YAE1: variants seen among roughly 807,000 people sequenced by gnomAD.
YAE1 encodes the protein protein YAE1 homolog.
In YAE1, 22 loss-of-function variants were observed where a neutral mutation model predicts 23.0. That is an observed-to-expected ratio of 0.96 (90% CI 0.68 to 1.37). The LOEUF is 1.37. Among genes scored for constraint, YAE1 ranks in the 40% most tolerant of loss-of-function variants. YAE1 has a pLI of 0.00. For missense variants in YAE1, 260 were observed against 262.1 expected (o/e 0.99, Z 0.06); for synonymous variants, 101 against 97.0 (o/e 1.04, Z -0.24).
chr7:39,608,821 T>C (rs1467372953), intron 2 of YAE1, among the ~76,000 whole-genome samples: 1 of 152,196 alleles, frequency 6.6e-6, no homozygotes, highest in East Asian at 1.9e-4. Flanking sequence ...CAAATACTTT[T>C]AATTACTCTT....
chr7:39,585,127 G>A (rs1483633968), intron 2 of YAE1, among the ~76,000 whole-genome samples: 1 of 152,168 alleles, frequency 6.6e-6, no homozygotes, highest in East Asian at 1.9e-4. Flanking sequence ...ATCTCAGGCT[G>A]TGCTTCAGTT....
chr7:39,593,838 C>G (rs992242549), intron 2 of YAE1, among the ~76,000 whole-genome samples: 10 of 152,148 alleles, frequency 6.6e-5, no homozygotes, highest in Non-Finnish European at 1.5e-4. Flanking sequence ...CTTTTACATC[C>G]TTAGGTATAG....
At chr7:39,605,004 C>T (rs1346451291) in intron 2 of YAE1, among the ~76,000 whole-genome samples, 1 of 152,214 alleles carries the variant, frequency 6.6e-6, no homozygotes, top group African/African-American at 2.4e-5. Flanking sequence ...GAACAAATGT[C>T]TGGAAATTAC....
At chr7:39,589,002 T>C (rs1583677821) in intron 2 of YAE1, among the ~76,000 whole-genome samples, 1 of 152,152 alleles carries the variant, frequency 6.6e-6, no homozygotes, top group Non-Finnish European at 1.5e-5. Context: ...TTTGTATTTT[T>C]AGTAGAGACA....
At chr7:39,609,848 C>A in exon 3 of YAE1, 1 of 1,533,138 alleles carries the variant, frequency 6.5e-7, no homozygotes, top group Non-Finnish European at 8.7e-7. Context: ...GGACGCCGAG[C>A]CACCGCCGGC....
At chr7:39,576,447 C>T (rs969320985), downstream of YAE1, among the ~76,000 whole-genome samples, 3 of 152,168 alleles carry the variant, frequency 2.0e-5, no homozygotes, top group African/African-American at 4.8e-5. Context: ...TCTTCTTTTC[C>T]CACCTGCCTC....
At position 39,591,671 on chromosome 7, in the gene YAE1, A is replaced by G. The variant is rs190287977; in HGVS notation, c.252-17946A>G. Among the ~76,000 whole-genome samples, 451 of 151,266 alleles carry G rather than the reference A, an allele frequency of 3.0e-3. 6 individuals are homozygous for G. Among genetic ancestry groups the G allele is most frequent in the African/African-American group, 0.011 (431 of 40,630 alleles). On this transcript the variant is annotated intron_variant, in intron 2 of 2. Coordinates refer to the YAE1 transcript ENST00000432096. ...CATATGTTACAATTACCAAACTTAC[A>G]TTGATACGTTATTATCTCCGACAGT...
intron 2 of YAE1, among the ~76,000 whole-genome samples, chr7:39,587,087 C>T (rs1790830707): frequency 6.7e-6 from 1 of 149,818 alleles, no homozygotes; most frequent in Admixed American, 6.7e-5. Flanking sequence ...GATGGAATTC[C>T]ACTCTGTGGC....
chr7:39,578,590 G>A (rs953840850), intron 2 of YAE1, among the ~76,000 whole-genome samples: 1 of 152,040 alleles, frequency 6.6e-6, no homozygotes, highest in East Asian at 1.9e-4. Flanking sequence ...CTCCAGACGC[G>A]CTGCCTTATG....
intron 2 of YAE1, among the ~76,000 whole-genome samples, chr7:39,581,305 CTAGA>C (rs1350983253): frequency 1.4e-4 from 21 of 152,054 alleles, no homozygotes; most frequent in African/African-American, 4.8e-4. Flanking sequence ...ATATATGGTT[CTAGA>C]TAGATTTTTA....
chr7:39,604,320 C>T (rs1239560768), intron 2 of YAE1, among the ~76,000 whole-genome samples: 1 of 152,174 alleles, frequency 6.6e-6, no homozygotes, highest in East Asian at 1.9e-4. Context: ...CACATGCCTG[C>T]CATTAAACCA....
At chr7:39,597,282 G>A (rs981718952) in intron 2 of YAE1, among the ~76,000 whole-genome samples, 5 of 152,172 alleles carry the variant, frequency 3.3e-5, no homozygotes, top group African/African-American at 1.2e-4. Flanking sequence ...AAAAGAGAGA[G>A]GTTGAGGCCA....
chr7:39,577,288 C>G (rs751413694), downstream of YAE1, among the ~76,000 whole-genome samples: 2 of 152,262 alleles, frequency 1.3e-5, no homozygotes, highest in Non-Finnish European at 2.9e-5. Flanking sequence ...TGACGAAGTG[C>G]TGGCAGCCCT....
At chr7:39,588,586 A>G (rs903856077) in intron 2 of YAE1, among the ~76,000 whole-genome samples, 3 of 151,950 alleles carry the variant, frequency 2.0e-5, no homozygotes, top group Non-Finnish European at 2.9e-5. Flanking sequence ...GAAACACCAC[A>G]GTGTTTCTTT....
chr7:39,575,080 C>A (rs1357700425), downstream of YAE1, among the ~76,000 whole-genome samples: 1 of 152,180 alleles, frequency 6.6e-6, no homozygotes, highest in African/African-American at 2.4e-5. Flanking sequence ...CAGGTCTTCC[C>A]ATGAGAATAC....
At chr7:39,591,352 G>T (rs1472751497) in intron 2 of YAE1, among the ~76,000 whole-genome samples, 2 of 152,088 alleles carry the variant, frequency 1.3e-5, no homozygotes, top group Non-Finnish European at 2.9e-5. Flanking sequence ...GATAAAACAT[G>T]GAGGATACTG....
rs1171239302 is a variant in YAE1, at chr7:39,610,017, C to T, written c.*31C>T. Reference sequence around the variant, plus strand: ...GTTCTTAATCAGAGGGCAGCTTGTGCTTAGGAAAGCCAGCCTCAGTCCTCA... The same window carrying T: ...GTTCTTAATCAGAGGGCAGCTTGTGTTTAGGAAAGCCAGCCTCAGTCCTCA... On this transcript the variant is annotated 3_prime_UTR_variant, in exon 3 of 3. Transcript: ENST00000432096. 5 of 1,500,748 alleles carry T rather than the reference C, an allele frequency of 3.3e-6. No individual in the cohort carries two copies. In the East Asian group the frequency reaches 9.9e-5, roughly 30 times the overall value. 93.0% of individuals were successfully genotyped at this position (1,500,748 alleles called of 1,614,324 possible).
At chr7:39,582,372 A>G (rs1004402419) in intron 2 of YAE1, among the ~76,000 whole-genome samples, 3 of 152,174 alleles carry the variant, frequency 2.0e-5, no homozygotes, top group Non-Finnish European at 4.4e-5. Context: ...TTAACTAACC[A>G]TATAATTTTA....
chr7:39,584,936 A>G (rs529073690), intron 2 of YAE1, among the ~76,000 whole-genome samples: 1 of 152,282 alleles, frequency 6.6e-6, no homozygotes, highest in South Asian at 2.1e-4. Context: ...AGCAGCCTCC[A>G]CCTAGCAAAA....
Sources: allele counts gnomAD v4.1 joint callset (sites outside exome capture counted in the v4.1 genomes callset), GRCh38; gene constraint gnomAD v4.1.1; transcripts MANE v1.5; gene names NCBI Gene and HGNC (gene_info 2026-07-23, HGNC 2026-07-21).